ERCC6L2: variants seen among roughly 807,000 people sequenced by gnomAD.
ERCC6L2 encodes DNA excision repair protein ERCC-6-like 2.
A neutral mutation model predicts 132.0 loss-of-function variants in ERCC6L2; 77 were observed. The ratio of observed to expected loss-of-function variants is 0.58; its 90% CI spans 0.49 to 0.71. The LOEUF is 0.71. Ranked by LOEUF, ERCC6L2 falls within the 30% of genes least tolerant of loss-of-function variation. The probability of loss-of-function intolerance (pLI) is 0.00; values close to 1 mark genes in which losing one functional copy is unlikely to be tolerated. For synonymous variants in ERCC6L2, 583 were observed against 632.4 expected, an observed-to-expected ratio of 0.92 and a Z score of 1.17; for missense variants, 1,542 against 1,837.6, an observed-to-expected ratio of 0.84 and a Z score of 2.94.
At chr9:96,038,930 A>T (rs1325243614) in exon 20 of ERCC6L2, 1 of 456,288 alleles carries the variant, frequency 2.2e-6, no homozygotes, top group East Asian at 6.9e-5. Context: ...CCATGTCATA[A>T]GGAAGCTCAA....
intron 13 of ERCC6L2, among the ~76,000 whole-genome samples, chr9:95,958,325 T>A (rs1357037224): frequency 6.6e-6 from 1 of 151,932 alleles, no homozygotes; most frequent in Non-Finnish European, 1.5e-5. Context: ...ATAGTGTGCA[T>A]GTGTCTTTAT....
downstream of ERCC6L2, chr9:96,020,876 T>C: frequency 2.2e-6 from 1 of 456,564 alleles, no homozygotes; most frequent in South Asian, 1.5e-5. Flanking sequence ...GGTGCGGAGG[T>C]TCCTGGTTTG....
At chr9:95,962,595 G>A (rs953000191) in intron 13 of ERCC6L2, among the ~76,000 whole-genome samples, 2 of 152,114 alleles carry the variant, frequency 1.3e-5, no homozygotes, top group African/African-American at 4.8e-5. Flanking sequence ...AGTTGAAAAA[G>A]CAATATACAG....
rs562491825 is a variant in ERCC6L2, at chr9:95,940,946, T to A, written c.1752-508T>A. On this transcript the variant is annotated intron_variant, in intron 11 of 18. Coordinates refer to ENST00000653738, the MANE Select transcript of ERCC6L2 (RefSeq NM_020207.7). ...TCCTTTTTTTCAGGAAAGCCATGAC[T>A]CACTGCCATGCCATTCCTTAGGCCT... Among the ~76,000 whole-genome samples the A allele has an allele frequency of 5.3e-5, 8 of 152,242 alleles. No homozygotes were observed. The South Asian group carries it at 1.7e-3, about 32-fold the overall frequency.
intron 1 of ERCC6L2, among the ~76,000 whole-genome samples, chr9:95,878,488 GT>G (rs1050262909): frequency 3.4e-5 from 5 of 148,870 alleles, no homozygotes; most frequent in Non-Finnish European, 1.5e-5. Flanking sequence ...CCAGTTTTTT[GT>G]TTTTTTTTAA....
chr9:96,029,719 C>T (rs2133264065), intron 19 of ERCC6L2, among the ~76,000 whole-genome samples: 1 of 152,336 alleles, frequency 6.6e-6, no homozygotes, highest in South Asian at 2.1e-4. Flanking sequence ...CATCTGCACG[C>T]ACAATCTTTA....
At chr9:96,023,322 C>T (rs1309704214), downstream of ERCC6L2, among the ~76,000 whole-genome samples, 1 of 152,008 alleles carries the variant, frequency 6.6e-6, no homozygotes, top group Non-Finnish European at 1.5e-5. Context: ...CTTTTTTCTT[C>T]CTGGAATACA....
chr9:95,979,365 T>C (rs550230150), intron 17 of ERCC6L2, among the ~76,000 whole-genome samples: 1 of 152,202 alleles, frequency 6.6e-6, no homozygotes, highest in South Asian at 2.1e-4. Context: ...ATGCAAAGAA[T>C]TGTTCTGCCC....
intron 18 of ERCC6L2, among the ~76,000 whole-genome samples, chr9:96,005,162 A>C (rs1285349541): frequency 1.3e-5 from 2 of 152,102 alleles, no homozygotes; most frequent in African/African-American, 4.8e-5. Flanking sequence ...AAATGCAAAA[A>C]ATTAGCCGGG....
At chr9:95,895,492 C>CT (rs932547790) in intron 2 of ERCC6L2, among the ~76,000 whole-genome samples, 3 of 151,904 alleles carry the variant, frequency 2.0e-5, no homozygotes, top group African/African-American at 7.3e-5. Flanking sequence ...GTTTTTCCCA[C>CT]TTTTTTTGTG....
intron 2 of ERCC6L2, among the ~76,000 whole-genome samples, chr9:95,886,271 C>T (rs1827862180): frequency 1.3e-5 from 2 of 152,036 alleles, no homozygotes; most frequent in Admixed American, 1.3e-4. Context: ...CCTGCCTTGA[C>T]CTCTCAAAGT....
chr9:96,022,582 G>A (rs188030946), downstream of ERCC6L2, among the ~76,000 whole-genome samples: 792 of 152,298 alleles, frequency 5.2e-3, 9 homozygotes, highest in African/African-American at 0.018. Flanking sequence ...GGGCTTCCGC[G>A]GGAGCCATGA....
chr9:95,901,563 C>G (rs1828779739), intron 3 of ERCC6L2, among the ~76,000 whole-genome samples: 1 of 151,902 alleles, frequency 6.6e-6, no homozygotes, highest in African/African-American at 2.4e-5. Flanking sequence ...TTTTAGGTTC[C>G]TTCTAGGAAA....
intron 18 of ERCC6L2, among the ~76,000 whole-genome samples, chr9:96,009,664 G>T (rs12339333): frequency 0.01 from 1,572 of 152,212 alleles, 38 homozygotes; most frequent in African/African-American, 0.036. Flanking sequence ...GCTGGCTTAT[G>T]CCCCCTGTTT....
intron 7 of ERCC6L2, among the ~76,000 whole-genome samples, chr9:95,921,981 G>A (rs1370458134): frequency 2.0e-5 from 3 of 152,160 alleles, no homozygotes; most frequent in Non-Finnish European, 4.4e-5. Flanking sequence ...GGTCTGCATA[G>A]CACTGCCACT....
intron 17 of ERCC6L2, among the ~76,000 whole-genome samples, chr9:95,998,554 T>C (rs774673433): frequency 3.3e-5 from 5 of 152,022 alleles, no homozygotes; most frequent in Non-Finnish European, 5.9e-5. Context: ...CTGGCTGTGG[T>C]GAGAGGGTGA....
chr9:95,931,092 C>T (rs1830317932), intron 11 of ERCC6L2, among the ~76,000 whole-genome samples: 1 of 152,146 alleles, frequency 6.6e-6, no homozygotes, highest in South Asian at 2.1e-4. Context: ...TGTTCACGAC[C>T]TTTTGGTCAA....
rs1376144159 is a variant in ERCC6L2, at chr9:95,876,100, T to C, written c.46+16T>C. On this transcript the variant is annotated intron_variant, in intron 1 of 18. Coordinates refer to ENST00000653738, the MANE Select transcript of ERCC6L2 (RefSeq NM_020207.7). ...TCAGGCAAAGGTACCAGCTCCGCGC[T>C]CGCCCCTTACGCAGAGGCCTGTGTA... 1.3e-6 allele frequency: 2 copies of C among 1,560,784 alleles called. No individual in the cohort carries two copies. Among genetic ancestry groups the C allele is most frequent in the Non-Finnish European group, 1.7e-6 (2 of 1,152,758 alleles).
intron 20 of ERCC6L2, among the ~76,000 whole-genome samples, chr9:96,039,932 G>T (rs1300589478): frequency 6.6e-6 from 1 of 152,004 alleles, no homozygotes; most frequent in East Asian, 1.9e-4. Context: ...TAAAGATGTG[G>T]TCCAGGCCGG....
Sources: gnomAD v4.1 joint callset for allele counts (sites outside exome capture counted in the v4.1 genomes callset) on GRCh38, gnomAD v4.1.1 for gene constraint, MANE v1.5 for transcripts, NCBI Gene and HGNC (gene_info 2026-07-23, HGNC 2026-07-21) for gene names.